Variants in ADGRL3 observed in about 807,000 individuals in gnomAD.
ADGRL3 encodes calcium-independent alpha-latrotoxin receptor 3.
ADGRL3 carries 62 observed loss-of-function variants against 153.5 expected under a neutral mutation model. That is an observed-to-expected ratio of 0.40 (90% confidence interval 0.33 to 0.50). ADGRL3 has a LOEUF of 0.50. Ranked by LOEUF, ADGRL3 falls within the 20% of genes least tolerant of loss-of-function variation. The pLI is 0.47. For missense variants in ADGRL3, 1,641 were observed against 1,859.4 expected (o/e 0.88, Z 2.16); for synonymous variants, 710 against 672.5 (o/e 1.06, Z -0.86).
chr4:61,284,960 C>T (rs751599901), intron 1 of ADGRL3, among the ~76,000 whole-genome samples: 1 of 151,254 alleles, frequency 6.6e-6, no homozygotes, highest in African/African-American at 2.4e-5. Context: ...TGTATGTTAC[C>T]AATCTTTGTT....
chr4:61,545,134 A>G (rs1159707127), intron 4 of ADGRL3, among the ~76,000 whole-genome samples: 1 of 152,136 alleles, frequency 6.6e-6, no homozygotes, highest in African/African-American at 2.4e-5. Flanking sequence ...TGTCCTTAAC[A>G]TTTGTGGGAC....
At chr4:61,644,283 A>G (rs978410691) in intron 5 of ADGRL3, among the ~76,000 whole-genome samples, 3 of 131,018 alleles carry the variant, frequency 2.3e-5, no homozygotes, top group African/African-American at 7.9e-5. Flanking sequence ...TTGTGTCTCT[A>G]TTTCCTTCAG....
At chr4:61,795,872 T>A (rs2097403961) in intron 8 of ADGRL3, among the ~76,000 whole-genome samples, 1 of 152,174 alleles carries the variant, frequency 6.6e-6, no homozygotes, top group South Asian at 2.1e-4. Flanking sequence ...AGACAGAGTC[T>A]AGCTCTGTCG....
At chr4:61,825,372 C>T (rs931244526) in intron 9 of ADGRL3, among the ~76,000 whole-genome samples, 4 of 152,030 alleles carry the variant, frequency 2.6e-5, no homozygotes, top group Non-Finnish European at 5.9e-5. Flanking sequence ...GAATGCTATA[C>T]AAATATTGGT....
intron 1 of ADGRL3, among the ~76,000 whole-genome samples, chr4:61,215,541 A>ATTTTTTT (rs59691960): frequency 1.4e-5 from 1 of 73,664 alleles, no homozygotes; most frequent in African/African-American, 5.1e-5. Context: ...CTATTATGGA[A>ATTTTTTT]TTTTTTTTTT....
intron 1 of ADGRL3, among the ~76,000 whole-genome samples, chr4:61,211,476 G>T (rs142600236): frequency 6.6e-6 from 1 of 152,318 alleles, no homozygotes; most frequent in East Asian, 1.9e-4. Context: ...TTAGCTTGAA[G>T]AAGAAAAGGC....
At chr4:61,879,898 A>T (rs1330485510) in intron 9 of ADGRL3, among the ~76,000 whole-genome samples, 2 of 151,934 alleles carry the variant, frequency 1.3e-5, no homozygotes, top group Non-Finnish European at 2.9e-5. Flanking sequence ...TTTTTAAAAA[A>T]TTTTTAGTAC....
chr4:61,585,464 C>T (rs1033973923), intron 4 of ADGRL3, among the ~76,000 whole-genome samples: 2 of 151,952 alleles, frequency 1.3e-5, no homozygotes, highest in African/African-American at 4.8e-5. Flanking sequence ...CACCTCCCTG[C>T]CTCTCTCCTC....
chr4:61,597,309 T>C (rs1034442608), intron 5 of ADGRL3, among the ~76,000 whole-genome samples: 8 of 152,142 alleles, frequency 5.3e-5, no homozygotes, highest in Admixed American at 3.3e-4. Flanking sequence ...GAGAGATAGT[T>C]GTTACGAAAG....
Position 61,416,840 on chromosome 4 carries a change from T to A in ADGRL3, c.-174+33651T>A, listed in dbSNP as rs760991407. On this transcript the variant is annotated intron_variant, in intron 2 of 26. Transcript: ENST00000683033. ...TTTATTGTGCACTTTATTTCTGTTATTATTACATTCTAATATATAATGAAA... is the reference window on the plus strand; with the variant it reads ...TTTATTGTGCACTTTATTTCTGTTAATATTACATTCTAATATATAATGAAA... Among the ~76,000 whole-genome samples the A allele has an allele frequency of 3.3e-5, 5 of 152,200 alleles. No homozygotes were observed. The East Asian group carries it at 9.6e-4, about 29-fold the overall frequency.
At chr4:61,274,316 T>C (rs2093355775) in intron 1 of ADGRL3, among the ~76,000 whole-genome samples, 1 of 152,130 alleles carries the variant, frequency 6.6e-6, no homozygotes, top group Non-Finnish European at 1.5e-5. Context: ...GAGACTGCCA[T>C]CTCCAGTATG....
At chr4:61,720,865 A>T (rs1332683406) in intron 6 of ADGRL3, among the ~76,000 whole-genome samples, 3 of 152,194 alleles carry the variant, frequency 2.0e-5, no homozygotes, top group Admixed American at 6.5e-5. Flanking sequence ...CCCAGGGAGC[A>T]TAGCACAGAG....
At chr4:61,853,618 A>G (rs1026529013) in intron 9 of ADGRL3, among the ~76,000 whole-genome samples, 1 of 152,216 alleles carries the variant, frequency 6.6e-6, no homozygotes, top group Non-Finnish European at 1.5e-5. Context: ...CCGTAGAGAC[A>G]CTAAAGAAGC....
chr4:61,336,163 A>C (rs987060833), intron 1 of ADGRL3, among the ~76,000 whole-genome samples: 1 of 152,144 alleles, frequency 6.6e-6, no homozygotes, highest in South Asian at 2.1e-4. Flanking sequence ...AAATACTGTA[A>C]ATTATATTCA....
At chr4:61,256,334 A>G (rs1297155924) in intron 1 of ADGRL3, among the ~76,000 whole-genome samples, 1 of 152,222 alleles carries the variant, frequency 6.6e-6, no homozygotes, top group South Asian at 2.1e-4. Flanking sequence ...TTATGTGTGT[A>G]TTTAAGTATT....
chr4:61,908,535 G>A (rs1460057570), intron 11 of ADGRL3, among the ~76,000 whole-genome samples: 1 of 150,696 alleles, frequency 6.6e-6, no homozygotes, highest in Non-Finnish European at 1.5e-5. Context: ...TTGAACTCAG[G>A]AGGCAGAGGT....
intron 2 of ADGRL3, among the ~76,000 whole-genome samples, chr4:61,459,030 C>A (rs544699505): frequency 3.3e-4 from 50 of 151,462 alleles, no homozygotes; most frequent in African/African-American, 1.2e-3. Flanking sequence ...GAATATTAAA[C>A]AGAACCCCAA....
chr4:61,615,342 T>C (rs1217082591), intron 5 of ADGRL3, among the ~76,000 whole-genome samples: 1 of 151,966 alleles, frequency 6.6e-6, no homozygotes, highest in African/African-American at 2.4e-5. Flanking sequence ...TCGAGAGGGA[T>C]GAGAACAAGT....
At chr4:61,832,707 G>T (rs549735833) in intron 9 of ADGRL3, among the ~76,000 whole-genome samples, 1 of 152,110 alleles carries the variant, frequency 6.6e-6, no homozygotes, top group East Asian at 1.9e-4. Context: ...CAAAAATCTA[G>T]CTTAATCATC....
Sources: gnomAD v4.1 joint callset for allele counts (sites outside exome capture counted in the v4.1 genomes callset) on GRCh38, gnomAD v4.1.1 for gene constraint, MANE v1.5 for transcripts, NCBI Gene and HGNC (gene_info 2026-07-23, HGNC 2026-07-21) for gene names.